KNTC1: variants seen among roughly 807,000 people sequenced by gnomAD.
KNTC1 encodes the protein kinetochore associated 1, also known as kinetochore-associated protein 1.
In KNTC1, 253 loss-of-function variants were observed where a neutral mutation model predicts 314.4. The observed-to-expected ratio is 0.80, with a 90% CI of 0.73 to 0.89. KNTC1 has a LOEUF of 0.89. KNTC1 is among the 40% of genes least tolerant of loss of function. KNTC1 has a pLI of 0.00. For synonymous variants in KNTC1, 901 were observed against 901.4 expected (o/e 1.00, Z 0.01); for missense variants, 2,475 against 2,572.9 (o/e 0.96, Z 0.82).
intron 38 of KNTC1, 126 bp from the exon 39 acceptor site, chr12:122,587,585 C>A: frequency 1.5e-6 from 1 of 649,824 alleles, no homozygotes; most frequent in South Asian, 3.2e-5. Context: ...CATTAACTAA[C>A]TGAGAACAAA....
intron 26 of KNTC1, 62 bp downstream of exon 26, chr12:122,573,347 A>G: frequency 7.2e-7 from 1 of 1,394,210 alleles, no homozygotes; most frequent in South Asian, 1.3e-5. Flanking sequence ...ACTGTAGTAA[A>G]TATTTAACTC....
At chr12:122,549,323 C>T (rs1963024816) in intron 12 of KNTC1, among the ~76,000 whole-genome samples, 1 of 152,074 alleles carries the variant, frequency 6.6e-6, no homozygotes. Context: ...TCCCAAAGTG[C>T]TCCCATGTGT....
Position 122,534,697 on chromosome 12 carries a change from T to TTAAG in KNTC1, c.165_168dup (p.Asp57LysfsTer2), listed in dbSNP as rs775984842. On this transcript the variant is annotated frameshift_variant, in exon 3 of 64. Coordinates refer to ENST00000333479, the MANE Select transcript of KNTC1 (RefSeq NM_014708.6). LOFTEE classifies it high-confidence loss of function. ...AAATCCAAAGATACAGGCATGCAGCTTAAGTGATGGGTTTATTATTGTAGC... is the reference window on the plus strand; with the variant it reads ...AAATCCAAAGATACAGGCATGCAGCTTAAGTAAGTGATGGGTTTATTATTGTAGC... 1 of 1,610,784 alleles carries TTAAG rather than the reference T, an allele frequency of 6.2e-7. No homozygotes were observed. Among genetic ancestry groups the TTAAG allele is most frequent in the African/African-American group, 1.3e-5 (1 of 74,886 alleles).
chr12:122,618,343 G>C lies in KNTC1; in HGVS notation c.6031G>C (p.Val2011Leu). Residue 2011 changes from valine to leucine, a missense_variant and splice_region_variant, in exon 58 of 64, where the codon GTT becomes CTT. Physicochemically the swap from Val to Leu is conservative, Grantham distance 32. Coordinates refer to ENST00000333479, the MANE Select transcript of KNTC1 (RefSeq NM_014708.6). ...CCCAAACGTGGACTTGTTTTCACAG[G>C]TTCCCTACTTCAGCAAAGCGTGGCA... ...AISSIHSLWQ[V>L]PYFSKAWQRV... 6.2e-7 allele frequency: 1 copy of C among 1,613,382 alleles called. No individual in the cohort carries two copies. Among genetic ancestry groups the C allele is most frequent in the Non-Finnish European group, 8.5e-7 (1 of 1,179,538 alleles).
intron 6 of KNTC1, 102 bp downstream of exon 6, chr12:122,542,229 TCTTA>T (rs1375023182): frequency 1.4e-5 from 11 of 774,660 alleles, no homozygotes; most frequent in South Asian, 6.3e-5. Context: ...GCTTATTTTA[TCTTA>T]CTTGTATTTA....
At chr12:122,623,924 C>T (rs1338861221) in intron 62 of KNTC1, among the ~76,000 whole-genome samples, 4 of 151,954 alleles carry the variant, frequency 2.6e-5, no homozygotes, top group Admixed American at 2.0e-4. Flanking sequence ...AAAAGTTAGC[C>T]GAGCATGGTG....
At chr12:122,564,001 G>A (rs905563436) in intron 20 of KNTC1, among the ~76,000 whole-genome samples, 8 of 151,934 alleles carry the variant, frequency 5.3e-5, no homozygotes, top group African/African-American at 1.4e-4. Context: ...TTTTTGAAAC[G>A]GAGTCTCGCT....
chr12:122,604,682 A>G (rs747196410), intron 49 of KNTC1, 45 bp downstream of exon 49: 13 of 1,374,164 alleles, frequency 9.5e-6, no homozygotes, highest in Non-Finnish European at 1.1e-5. Context: ...CTTCCTAATT[A>G]AATTGTACTA....
At chr12:122,596,449 C>G (rs1871065407) in intron 43 of KNTC1, among the ~76,000 whole-genome samples, 1 of 151,344 alleles carries the variant, frequency 6.6e-6, no homozygotes. Flanking sequence ...CAACTCCTGA[C>G]CTCGTGATCC....
intron 60 of KNTC1, among the ~76,000 whole-genome samples, chr12:122,620,956 G>A (rs1303027218): frequency 6.6e-6 from 1 of 152,232 alleles, no homozygotes; most frequent in Non-Finnish European, 1.5e-5. Context: ...AAACAGTTGG[G>A]AAGATGTTGC....
chr12:122,617,356 A>G (rs1284614407), intron 57 of KNTC1: 9 of 446,660 alleles, frequency 2.0e-5, no homozygotes, highest in Admixed American at 1.2e-4. Flanking sequence ...CCACTCCTCT[A>G]TTGATGGAAG....
At chr12:122,597,566 G>C (rs1242802824) in intron 43 of KNTC1, 165 bp from the exon 44 acceptor site, 1 of 638,600 alleles carries the variant, frequency 1.6e-6, no homozygotes, top group East Asian at 2.8e-5. Flanking sequence ...ATTTTTAAAA[G>C]GCAATAATTA....
intron 20 of KNTC1, among the ~76,000 whole-genome samples, chr12:122,564,660 T>A (rs1032798633): frequency 1.3e-5 from 2 of 152,032 alleles, no homozygotes; most frequent in Admixed American, 1.3e-4. Flanking sequence ...TTTTTAGAAA[T>A]GCAGTCTCTC....
At chr12:122,548,568 C>T (rs1001576406) in intron 12 of KNTC1, among the ~76,000 whole-genome samples, 1 of 152,138 alleles carries the variant, frequency 6.6e-6, no homozygotes, top group Non-Finnish European at 1.5e-5. Flanking sequence ...AATTACATTT[C>T]ACCTTAAATA....
intron 20 of KNTC1, among the ~76,000 whole-genome samples, chr12:122,564,462 A>T (rs1212116044): frequency 6.6e-6 from 1 of 152,058 alleles, no homozygotes; most frequent in Non-Finnish European, 1.5e-5. Flanking sequence ...TCCATTCTAG[A>T]ATTAAAGGGT....
chr12:122,558,482 G>T (rs1386919846), intron 18 of KNTC1, among the ~76,000 whole-genome samples: 1 of 152,030 alleles, frequency 6.6e-6, no homozygotes, highest in African/African-American at 2.4e-5. Flanking sequence ...AACCTGGGAG[G>T]CGGAGGTTGC....
rs377539396 is a variant in KNTC1, at chr12:122,584,346, G to T, written c.3332G>T (p.Cys1111Phe). Residue 1111 changes from cysteine (C) to phenylalanine (F), a missense_variant, in exon 35 of 64, where the codon TGT becomes TTT. Physicochemically the swap from Cys to Phe is radical, Grantham distance 205. Transcript: ENST00000333479. ...KLLFLTCQKL[C>F]QMLADNVPVT... ...CTATTTCTGACATGTCAGAAGCTTT[G>T]TCAGATGTTGGCTGATAATGTCCCA... 1 of 1,613,580 alleles carries T rather than the reference G, an allele frequency of 6.2e-7. No individual in the cohort carries two copies.
chr12:122,537,421 AT>A (rs1003496632), intron 3 of KNTC1, among the ~76,000 whole-genome samples: 3,161 of 141,002 alleles, frequency 0.022, 78 homozygotes, highest in African/African-American at 0.065. Context: ...TTTATCAGCT[AT>A]TTTTTTTTTT....
intron 21 of KNTC1, among the ~76,000 whole-genome samples, chr12:122,569,330 A>G (rs1964542757): frequency 6.6e-6 from 1 of 152,182 alleles, no homozygotes. Flanking sequence ...AGGTTGGCCA[A>G]AGTTGGTATA....
Sources: gnomAD v4.1 joint callset for allele counts (sites outside exome capture counted in the v4.1 genomes callset) on GRCh38, gnomAD v4.1.1 for gene constraint, MANE v1.5 for transcripts, NCBI Gene and HGNC (gene_info 2026-07-23, HGNC 2026-07-21) for gene names.